Variants in AGBL3 observed in about 807,000 individuals in gnomAD.
The protein encoded by AGBL3 is cytosolic carboxypeptidase 3.
AGBL3 carries 68 observed loss-of-function variants against 94.5 expected under a neutral mutation model. The ratio of observed to expected loss-of-function variants is 0.72; its 90% CI spans 0.59 to 0.88. The LOEUF (loss-of-function observed/expected upper bound fraction) is 0.88, where lower values mean the gene tolerates loss of function less well. Among genes scored for constraint, AGBL3 ranks in the 40% least tolerant of loss-of-function variants. The pLI, the probability that AGBL3 is intolerant of heterozygous loss-of-function variation, is 0.00. For synonymous variants in AGBL3, 354 were observed against 370.7 expected (o/e 0.95, Z 0.52); for missense variants, 934 against 1,103.8 (o/e 0.85, Z 2.18).
At chr7:135,134,396 T>C (rs1202798744) in intron 16 of AGBL3, among the ~76,000 whole-genome samples, 3 of 146,570 alleles carry the variant, frequency 2.0e-5, no homozygotes, top group East Asian at 2.0e-4. Flanking sequence ...CGAGGAAAAC[T>C]TCCCTCTCTT....
At chr7:135,118,531 G>A (rs117801000) in intron 16 of AGBL3, among the ~76,000 whole-genome samples, 4,433 of 152,172 alleles carry the variant, frequency 0.029, 107 homozygotes, top group Non-Finnish European at 0.04. Context: ...TCCCTGAGCT[G>A]GAGCAAACTA....
chr7:135,036,223 C>A (rs188275097), intron 7 of AGBL3, among the ~76,000 whole-genome samples: 5 of 152,194 alleles, frequency 3.3e-5, no homozygotes, highest in Non-Finnish European at 7.4e-5. Flanking sequence ...CTTAACACCA[C>A]GCTTTCTTAC....
intron 4 of AGBL3, among the ~76,000 whole-genome samples, chr7:135,009,762 A>C (rs1812872836): frequency 6.6e-6 from 1 of 152,208 alleles, no homozygotes; most frequent in Non-Finnish European, 1.5e-5. Flanking sequence ...TGCAGCCCCA[A>C]GGGGCTTCAC....
intron 16 of AGBL3, chr7:135,128,381 G>A: frequency 1.9e-6 from 1 of 519,574 alleles, no homozygotes; most frequent in Non-Finnish European, 3.5e-6. Flanking sequence ...TGGGAGTGTA[G>A]CAGTGAGGAT....
chr7:135,026,053 C>T (rs1815055604), intron 5 of AGBL3, among the ~76,000 whole-genome samples: 3 of 151,474 alleles, frequency 2.0e-5, no homozygotes, highest in South Asian at 4.3e-4. Flanking sequence ...TTAAACTGGA[C>T]ACTTGAGCAA....
intron 16 of AGBL3, among the ~76,000 whole-genome samples, chr7:135,125,201 T>C (rs1360335917): frequency 1.3e-5 from 2 of 151,852 alleles, no homozygotes; most frequent in Non-Finnish European, 2.9e-5. Flanking sequence ...ACAATAAAAA[T>C]GATAAGGGGA....
At chr7:135,102,022 C>T (rs940100536) in intron 15 of AGBL3, among the ~76,000 whole-genome samples, 1 of 152,170 alleles carries the variant, frequency 6.6e-6, no homozygotes, top group African/African-American at 2.4e-5. Flanking sequence ...TTTTGCCTTC[C>T]ACCATGATCG....
chr7:135,046,024 G>A, intron 11 of AGBL3, 113 bp downstream of exon 11: 1 of 756,172 alleles, frequency 1.3e-6, no homozygotes, highest in Non-Finnish European at 2.1e-6. Context: ...ACTGTAAGTG[G>A]TGGAAAATTT....
intron 10 of AGBL3, 63 bp downstream of exon 10, chr7:135,045,637 T>C: frequency 1.4e-6 from 2 of 1,441,970 alleles, no homozygotes; most frequent in Non-Finnish European, 1.9e-6. Flanking sequence ...AAGCTGACTA[T>C]GGGCCTATGC....
At chr7:135,006,522 G>GA (rs1812406737) in intron 4 of AGBL3, among the ~76,000 whole-genome samples, 1 of 151,944 alleles carries the variant, frequency 6.6e-6, no homozygotes, top group Non-Finnish European at 1.5e-5. Context: ...TATAACAGTG[G>GA]ACTAACTTGA....
In AGBL3 at chr7:135,134,970, C is replaced by A. The variant is rs1007218712; in HGVS notation, c.2472C>A (p.His824Gln). The A allele has an allele frequency of 2.6e-6, 4 of 1,551,078 alleles. No homozygotes were observed. The highest frequency in any genetic ancestry group is 3.5e-6 in the Non-Finnish European group (4 of 1,146,682). Residue 824 changes from histidine to glutamine, a missense_variant, in exon 17 of 17, where the codon CAC (histidine) becomes CAA (glutamine). Coordinates refer to ENST00000436302, the MANE Select transcript of AGBL3 (RefSeq NM_178563.4). ...NSSEWVQSKP[H>Q]RSLESLSPLK... ...CAGAATGGGTCCAGTCTAAGCCCCA[C>A]AGGTCATTGGAAAGTTTATCACCTC...
At chr7:135,134,490 T>C (rs1012153263) in intron 16 of AGBL3, among the ~76,000 whole-genome samples, 3 of 152,110 alleles carry the variant, frequency 2.0e-5, no homozygotes, top group African/African-American at 7.2e-5. Context: ...ATAAACAGAA[T>C]AGATTTTTAG....
chr7:135,034,116 C>T (rs762990545), intron 6 of AGBL3, 33 bp from the exon 7 acceptor site: 7 of 1,353,674 alleles, frequency 5.2e-6, no homozygotes, highest in South Asian at 2.2e-5. Context: ...TACATTCTTA[C>T]GTGCTTTTTT....
chr7:135,115,694 G>GA (rs1046469020), intron 16 of AGBL3, 83 bp downstream of exon 16: 1,002 of 1,156,186 alleles, frequency 8.7e-4, no homozygotes, highest in Middle Eastern at 1.4e-3. Context: ...ATTATCCTAC[G>GA]AAAAAAAAAT....
At chr7:135,045,720 A>G in intron 10 of AGBL3, 79 bp from the exon 11 acceptor site, 1 of 1,321,778 alleles carries the variant, frequency 7.6e-7, no homozygotes, top group Non-Finnish European at 1.0e-6. Flanking sequence ...CAATTGTTCC[A>G]GGTGTCTATA....
Position 135,134,892 on chromosome 7 carries a change from A to G in AGBL3, c.2394A>G (p.Thr798=), listed in dbSNP as rs1204270127. The change falls in exon 17 of 17, where the codon ACA becomes ACG. Residue 798 remains threonine, a synonymous_variant. Coordinates refer to ENST00000436302, the MANE Select transcript of AGBL3 (RefSeq NM_178563.4). ...TAAAGAAATACAGCACATCTTGGAC[A>G]GCACCCAGAAATCACCCTTTTGTAA... ...RNIKKYSTSW[T]APRNHPFVIQ... 1 of 1,551,180 alleles carries G rather than the reference A, an allele frequency of 6.4e-7. No individual in the cohort carries two copies. Among genetic ancestry groups the G allele is most frequent in the Admixed American group, 2.0e-5 (1 of 50,966 alleles).
intron 16 of AGBL3, chr7:135,128,399 G>A (rs1220559587): frequency 7.1e-6 from 4 of 564,914 alleles, no homozygotes; most frequent in Non-Finnish European, 1.3e-5. Flanking sequence ...GATGATCAGA[G>A]ATCACTCTCA....
intron 16 of AGBL3, among the ~76,000 whole-genome samples, chr7:135,133,435 G>A (rs542143061): frequency 2.2e-4 from 33 of 152,246 alleles, no homozygotes; most frequent in Admixed American, 3.9e-4. Flanking sequence ...GATTATTCCA[G>A]AATTTATCTG....
intron 16 of AGBL3, chr7:135,129,317 TA>T: frequency 7.5e-7 from 1 of 1,334,646 alleles, no homozygotes; most frequent in Non-Finnish European, 1.1e-6. Context: ...TCTCTCCATG[TA>T]AGGTGACTGC....
Sources: allele counts gnomAD v4.1 joint callset (sites outside exome capture counted in the v4.1 genomes callset), GRCh38; gene constraint gnomAD v4.1.1; transcripts MANE v1.5; gene names NCBI Gene and HGNC (gene_info 2026-07-23, HGNC 2026-07-21).